RIMS1: variants seen among roughly 807,000 people sequenced by gnomAD.
RIMS1 encodes regulating synaptic membrane exocytosis 1, also known as regulating synaptic membrane exocytosis protein 1.
In RIMS1, 83 loss-of-function variants were observed where a neutral mutation model predicts 214.1. That is an observed-to-expected ratio of 0.39 (90% CI 0.32 to 0.47). The LOEUF (loss-of-function observed/expected upper bound fraction) is 0.47. RIMS1 is among the 20% of genes least tolerant of loss of function. The pLI is 0.99. For missense variants in RIMS1, 2,050 were observed against 2,161.8 expected (o/e 0.95, Z 1.03); for synonymous variants, 793 against 786.8 (o/e 1.01, Z -0.13).
intron 2 of RIMS1, among the ~76,000 whole-genome samples, chr6:71,974,059 C>T (rs1389155259): frequency 6.6e-6 from 1 of 152,034 alleles, no homozygotes. Flanking sequence ...AACTAGCTGT[C>T]CCATGGGAAG....
At chr6:72,393,548 C>A (rs991254471) in intron 31 of RIMS1, among the ~76,000 whole-genome samples, 2 of 151,800 alleles carry the variant, frequency 1.3e-5, no homozygotes, top group Admixed American at 6.6e-5. Context: ...CACGGTGAAA[C>A]CCCCGTCTCT....
intron 6 of RIMS1, among the ~76,000 whole-genome samples, chr6:72,220,589 A>G (rs1356225215): frequency 6.6e-6 from 1 of 152,118 alleles, no homozygotes; most frequent in African/African-American, 2.4e-5. Context: ...TGCTAAAAAA[A>G]CAAAACAACA....
At chr6:72,147,846 A>AAATACAGAGAT (rs1490032127) in intron 4 of RIMS1, among the ~76,000 whole-genome samples, 1 of 152,176 alleles carries the variant, frequency 6.6e-6, no homozygotes, top group Non-Finnish European at 1.5e-5. Flanking sequence ...GAGGGGCAGA[A>AAATACAGAGAT]AATACAGAGA....
At chr6:72,391,011 G>T (rs140947345) in intron 30 of RIMS1, 6 of 283,328 alleles carry the variant, frequency 2.1e-5, no homozygotes, top group Non-Finnish European at 3.9e-5. Context: ...TTCCTTACTG[G>T]ATGTTTAGTG....
chr6:72,031,105 T>C (rs1371272170), intron 2 of RIMS1, among the ~76,000 whole-genome samples: 4 of 152,190 alleles, frequency 2.6e-5, no homozygotes, highest in Non-Finnish European at 5.9e-5. Context: ...TATGAAACTT[T>C]CTTTTGCAAA....
At chr6:71,989,153 T>C (rs375557352) in intron 2 of RIMS1, among the ~76,000 whole-genome samples, 19 of 152,264 alleles carry the variant, frequency 1.2e-4, no homozygotes, top group African/African-American at 3.6e-4. Context: ...GAGGAGGAGA[T>C]CATTCTACTA....
chr6:72,327,351 T>C (rs1460484426), intron 28 of RIMS1, among the ~76,000 whole-genome samples: 2 of 151,788 alleles, frequency 1.3e-5, no homozygotes. Flanking sequence ...CAAAATTCAT[T>C]TCTTTTTATG....
At chr6:72,352,831 G>T (rs952586112) in intron 29 of RIMS1, among the ~76,000 whole-genome samples, 3 of 151,944 alleles carry the variant, frequency 2.0e-5, no homozygotes, top group Admixed American at 6.6e-5. Context: ...CTGGGGATGG[G>T]ACCCGAGAAA....
intron 4 of RIMS1, among the ~76,000 whole-genome samples, chr6:72,161,524 T>A (rs1214613198): frequency 5.3e-4 from 73 of 138,592 alleles, no homozygotes; most frequent in Admixed American, 7.4e-4. Flanking sequence ...TGTGGGCATT[T>A]AGTGCTATAA....
chr6:72,375,734 C>G (rs546151323), intron 29 of RIMS1, among the ~76,000 whole-genome samples: 103 of 152,216 alleles, frequency 6.8e-4, no homozygotes, highest in Non-Finnish European at 1.2e-3. Flanking sequence ...CACAAGGGAC[C>G]CAAACCTGGA....
At chr6:71,893,316 CTT>C (rs1208098832) in intron 1 of RIMS1, among the ~76,000 whole-genome samples, 5 of 145,684 alleles carry the variant, frequency 3.4e-5, no homozygotes, top group Admixed American at 6.9e-5. Flanking sequence ...TCTTTCTTTT[CTT>C]TTTTTTTTTC....
intron 4 of RIMS1, among the ~76,000 whole-genome samples, chr6:72,175,837 C>T (rs1044925297): frequency 2.0e-5 from 3 of 151,984 alleles, no homozygotes; most frequent in African/African-American, 7.3e-5. Context: ...TTCTGCCAAA[C>T]TTGTGGTTTT....
intron 6 of RIMS1, 108 bp downstream of exon 6, chr6:72,183,257 C>A: frequency 9.3e-7 from 1 of 1,080,524 alleles, no homozygotes; most frequent in Non-Finnish European, 1.3e-6. Context: ...GCTGGGAATG[C>A]TCACAGATAA....
intron 2 of RIMS1, among the ~76,000 whole-genome samples, chr6:72,027,309 C>T (rs979422816): frequency 5.9e-5 from 9 of 151,954 alleles, no homozygotes; most frequent in African/African-American, 1.7e-4. Context: ...GTCATGTGGC[C>T]CTGTGGCTGG....
At chr6:72,066,977 A>T (rs1391815956) in intron 2 of RIMS1, among the ~76,000 whole-genome samples, 1 of 152,072 alleles carries the variant, frequency 6.6e-6, no homozygotes, top group Non-Finnish European at 1.5e-5. Flanking sequence ...GAATCTGGCC[A>T]TTTTCAATAC....
intron 6 of RIMS1, among the ~76,000 whole-genome samples, chr6:72,202,217 C>G (rs897974614): frequency 6.6e-6 from 1 of 152,112 alleles, no homozygotes; most frequent in Non-Finnish European, 1.5e-5. Flanking sequence ...CCAAGGGTTA[C>G]CATAACAGGA....
intron 4 of RIMS1, among the ~76,000 whole-genome samples, chr6:72,125,185 G>T (rs1397090326): frequency 6.6e-6 from 1 of 151,928 alleles, no homozygotes; most frequent in Non-Finnish European, 1.5e-5. Context: ...CCTTTTTGTT[G>T]CTATTTATGC....
chr6:72,089,111 C>T (rs1835469632), intron 2 of RIMS1, among the ~76,000 whole-genome samples: 1 of 152,094 alleles, frequency 6.6e-6, no homozygotes, highest in Non-Finnish European at 1.5e-5. Context: ...GACTGACCCT[C>T]ACAATATACA....
intron 9 of RIMS1, among the ~76,000 whole-genome samples, chr6:72,240,469 ATGTATG>A (rs2066266693): frequency 6.6e-6 from 1 of 151,710 alleles, no homozygotes; most frequent in African/African-American, 2.4e-5. Flanking sequence ...GTATATATAT[ATGTATG>A]TACTCATATA....
Sources: allele counts gnomAD v4.1 joint callset (sites outside exome capture counted in the v4.1 genomes callset), GRCh38; gene constraint gnomAD v4.1.1; transcripts MANE v1.5; gene names NCBI Gene and HGNC (gene_info 2026-07-23, HGNC 2026-07-21).